Variants in UST observed in about 807,000 individuals in gnomAD.
UST encodes the protein uronyl 2-sulfotransferase, also known as chondroitin sulfate 2-O-sulfotransferase.
UST carries 21 observed loss-of-function variants against 45.6 expected under a neutral mutation model. The observed-to-expected ratio is 0.46, with a 90% CI of 0.33 to 0.66. The LOEUF is 0.66. Ranked by LOEUF, UST falls within the 30% of genes least tolerant of loss-of-function variation. UST has a pLI of 0.02. For synonymous variants in UST, 215 were observed against 200.6 expected, an observed-to-expected ratio of 1.07 and a Z score of -0.61; for missense variants, 463 against 512.4, an observed-to-expected ratio of 0.90 and a Z score of 0.93.
At chr6:148,806,421 C>A (rs1235119544) in intron 1 of UST, among the ~76,000 whole-genome samples, 1 of 152,090 alleles carries the variant, frequency 6.6e-6, no homozygotes, top group Non-Finnish European at 1.5e-5. Context: ...TCACTGCAAC[C>A]TCCACCTCCT....
chr6:148,758,775 C>T (rs952154164), intron 1 of UST, among the ~76,000 whole-genome samples: 2 of 152,248 alleles, frequency 1.3e-5, no homozygotes, highest in African/African-American at 4.8e-5. Context: ...GCCATACCAT[C>T]TGGCATGGCC....
intron 1 of UST, among the ~76,000 whole-genome samples, chr6:148,866,073 AAG>A (rs1778424315): frequency 6.7e-6 from 1 of 150,146 alleles, no homozygotes; most frequent in Non-Finnish European, 1.5e-5. Flanking sequence ...TGGGGAAAGA[AAG>A]AATTAATTAG....
intron 4 of UST, among the ~76,000 whole-genome samples, chr6:148,958,420 G>A (rs1178578175): frequency 1.3e-5 from 2 of 152,194 alleles, no homozygotes; most frequent in Non-Finnish European, 2.9e-5. Flanking sequence ...GTTGCACACA[G>A]TTGTGGAACT....
intron 2 of UST, among the ~76,000 whole-genome samples, chr6:148,917,803 A>T (rs1399842391): frequency 6.6e-6 from 1 of 152,188 alleles, no homozygotes; most frequent in African/African-American, 2.4e-5. Context: ...GGCAGAAAGG[A>T]GGACGGGAGC....
At position 149,075,178 on chromosome 6, in the gene UST, ACAG is replaced by A. The variant is rs1029228208; in HGVS notation, c.*1066_*1068del. 6.6e-6 allele frequency: 1 copy of A among 152,236 alleles called. No homozygotes were observed. The highest frequency in any genetic ancestry group is 1.5e-5 in the Non-Finnish European group (1 of 68,062). 9.4% of individuals were successfully genotyped at this position (152,236 alleles called of 1,614,324 possible). ...AATTTAGCTCAGGCATTTGACTCCT[ACAG>A]CAGAAGTTCTGAGCCTGACCACAGA... is the stretch of plus-strand genomic sequence containing the variant. On this transcript the variant is annotated 3_prime_UTR_variant, in exon 8 of 8. Coordinates refer to ENST00000367463, the MANE Select transcript of UST (RefSeq NM_005715.3).
intron 2 of UST, among the ~76,000 whole-genome samples, chr6:148,913,969 G>T (rs945793073): frequency 5.9e-5 from 9 of 152,182 alleles, no homozygotes; most frequent in African/African-American, 2.2e-4. Flanking sequence ...CTAATCCCCA[G>T]TGTGATAGCA....
intron 1 of UST, among the ~76,000 whole-genome samples, chr6:148,758,075 T>A (rs1186372683): frequency 6.6e-6 from 1 of 152,194 alleles, no homozygotes; most frequent in Non-Finnish European, 1.5e-5. Context: ...TCCCTTTAAC[T>A]CCCTCTTCAT....
rs75576681 is a variant in UST at position 149,012,411 on chromosome 6, C to G, written c.682-6728C>G. ...TTCCATTTAACCCATTAAACTTGTACTCTGATTACCGTGGTCCACTTATGG... is the reference window on the plus strand; with the variant it reads ...TTCCATTTAACCCATTAAACTTGTAGTCTGATTACCGTGGTCCACTTATGG... On this transcript the variant is annotated intron_variant, in intron 5 of 7. Transcript: ENST00000367463. 9.5e-3 allele frequency among the ~76,000 whole-genome samples: 1,448 copies of G among 152,312 alleles called. 28 individuals carry two copies. Among genetic ancestry groups the G allele is most frequent in the African/African-American group, 0.033 (1,390 of 41,570 alleles).
At position 149,075,455 on chromosome 6, in the gene UST, T is replaced by A. The variant is rs1316304919; in HGVS notation, c.*1339T>A. The A allele has an allele frequency of 6.6e-6, 1 of 152,170 alleles. No homozygotes were observed. Among genetic ancestry groups the A allele is most frequent in the Non-Finnish European group, 1.5e-5 (1 of 68,054 alleles). 9.4% of individuals were successfully genotyped at this position (152,170 alleles called of 1,614,324 possible). The stretch of plus-strand genomic sequence containing the variant: ...GACATCAAAAAGAAGCAGCAAGAGC[T>A]TCTGGGACAGAGACTGCTTGGCCAG... On this transcript the variant is annotated 3_prime_UTR_variant, in exon 8 of 8. Coordinates refer to ENST00000367463, the MANE Select transcript of UST (RefSeq NM_005715.3).
intron 1 of UST, among the ~76,000 whole-genome samples, chr6:148,882,505 A>AAT: frequency 6.6e-6 from 1 of 151,584 alleles, no homozygotes; most frequent in East Asian, 1.9e-4. Flanking sequence ...AAAAAAAAAA[A>AAT]AAAGAGTTGT....
intron 1 of UST, among the ~76,000 whole-genome samples, chr6:148,877,665 G>C: frequency 8.0e-6 from 1 of 124,750 alleles, no homozygotes; most frequent in Admixed American, 7.7e-5. Flanking sequence ...GAGTGCGAGG[G>C]GTCATGTATG....
At chr6:148,832,850 T>C (rs1238039740) in intron 1 of UST, among the ~76,000 whole-genome samples, 3 of 152,238 alleles carry the variant, frequency 2.0e-5, no homozygotes, top group Non-Finnish European at 2.9e-5. Context: ...TATTCTTTGA[T>C]TTGTTTTTCA....
intron 1 of UST, among the ~76,000 whole-genome samples, chr6:148,823,199 A>G (rs1413795284): frequency 3.3e-5 from 5 of 152,272 alleles, no homozygotes; most frequent in Non-Finnish European, 7.3e-5. Flanking sequence ...TTGCATAACT[A>G]CATGCTTTTT....
chr6:148,779,819 A>G (rs1430245673), intron 1 of UST, among the ~76,000 whole-genome samples: 1 of 152,200 alleles, frequency 6.6e-6, no homozygotes, highest in African/African-American at 2.4e-5. Flanking sequence ...TCCTGCAGGA[A>G]AGAAATCCTT....
chr6:148,760,343 A>G (rs1042533168), intron 1 of UST, among the ~76,000 whole-genome samples: 1 of 152,188 alleles, frequency 6.6e-6, no homozygotes, highest in Non-Finnish European at 1.5e-5. Flanking sequence ...GGATTTGCAC[A>G]GCCTCCTCCC....
chr6:148,904,939 C>G (rs961704565), intron 2 of UST, among the ~76,000 whole-genome samples: 3 of 152,156 alleles, frequency 2.0e-5, no homozygotes, highest in Non-Finnish European at 2.9e-5. Context: ...GGCAGAAGCT[C>G]AATATTGGGA....
At chr6:148,816,561 A>G (rs1418461491) in intron 1 of UST, among the ~76,000 whole-genome samples, 2 of 152,218 alleles carry the variant, frequency 1.3e-5, no homozygotes, top group Non-Finnish European at 2.9e-5. Flanking sequence ...GCTGGTTCCT[A>G]TTAAAAGAAA....
chr6:149,013,460 A>C (rs2115015154), intron 5 of UST, among the ~76,000 whole-genome samples: 1 of 152,146 alleles, frequency 6.6e-6, no homozygotes, highest in Middle Eastern at 3.4e-3. Context: ...CAGGAGGCAG[A>C]GGCTGCAGTG....
At chr6:148,798,629 A>G (rs1776995542) in intron 1 of UST, among the ~76,000 whole-genome samples, 1 of 152,158 alleles carries the variant, frequency 6.6e-6, no homozygotes, top group Non-Finnish European at 1.5e-5. Context: ...GAGCCTCAAA[A>G]GGACACAGAT....
Sources: allele counts gnomAD v4.1 joint callset (sites outside exome capture counted in the v4.1 genomes callset), GRCh38; gene constraint gnomAD v4.1.1; transcripts MANE v1.5; gene names NCBI Gene and HGNC (gene_info 2026-07-23, HGNC 2026-07-21).